Variants in PRELID2 observed in about 807,000 individuals in gnomAD.
PRELID2 encodes PRELI domain containing 2.
A neutral mutation model predicts 28.4 loss-of-function variants in PRELID2; 25 were observed. That is an observed-to-expected ratio of 0.88 (90% CI 0.64 to 1.23). The LOEUF is 1.23. Ranked by LOEUF, PRELID2 falls within the 50% of genes most tolerant of loss-of-function variation. PRELID2 has a pLI of 0.00. For missense variants in PRELID2, 201 were observed against 214.4 expected, an observed-to-expected ratio of 0.94 and a Z score of 0.39; for synonymous variants, 76 against 71.6, an observed-to-expected ratio of 1.06 and a Z score of -0.31.
At chr5:145,819,388 A>G in intron 3 of PRELID2, 1 of 1,603,752 alleles carries the variant, frequency 6.2e-7, no homozygotes, top group Non-Finnish European at 8.5e-7. Context: ...CCTTTTTCCA[A>G]CAAAGAATCA....
chr5:145,824,430 G>A (rs1024902095), intron 1 of PRELID2, among the ~76,000 whole-genome samples: 1 of 117,658 alleles, frequency 8.5e-6, no homozygotes, highest in African/African-American at 2.8e-5. Flanking sequence ...GCAGGCGTGT[G>A]TGTGTGTGTG....
intron 1 of PRELID2, among the ~76,000 whole-genome samples, chr5:145,627,126 AAAAAAAAAAAAAAAAAAAAAT>A (rs1350705370): frequency 5.4e-4 from 56 of 103,980 alleles, no homozygotes; most frequent in African/African-American, 2.3e-3. Context: ...AAAAAAAAAA[AAAAAAAAAAAAAAAAAAAAAT>A]TTGTGTATAT....
chr5:145,331,673 G>A, the PRELID2 span, among the ~76,000 whole-genome samples: 32 of 152,024 alleles, frequency 2.1e-4, no homozygotes, highest in African/African-American at 7.5e-4. Flanking sequence ...CTTTGCATGT[G>A]AGATATGTCT....
At chr5:145,274,262 T>C in the PRELID2 span, among the ~76,000 whole-genome samples, 4 of 152,172 alleles carry the variant, frequency 2.6e-5, no homozygotes, top group African/African-American at 9.7e-5. Context: ...CCCTTCTTTT[T>C]CATAGCTCTG....
At chr5:145,370,770 G>C in the PRELID2 span, among the ~76,000 whole-genome samples, 1 of 151,502 alleles carries the variant, frequency 6.6e-6, no homozygotes, top group Non-Finnish European at 1.5e-5. Context: ...ATGTTTTCTC[G>C]TTTGTTTCCT....
intron 1 of PRELID2, among the ~76,000 whole-genome samples, chr5:145,553,415 G>T (rs768233551): frequency 1.3e-5 from 2 of 152,104 alleles, no homozygotes; most frequent in Non-Finnish European, 2.9e-5. Flanking sequence ...GTTCCACCCT[G>T]GCACTCCATC....
At chr5:145,525,881 G>A (rs1272856488) in intron 1 of PRELID2, among the ~76,000 whole-genome samples, 1 of 152,184 alleles carries the variant, frequency 6.6e-6, no homozygotes, top group Non-Finnish European at 1.5e-5. Context: ...GCCAAACTCC[G>A]AAAAAAAGCA....
chr5:145,642,991 C>T (rs190525942), intron 1 of PRELID2, among the ~76,000 whole-genome samples: 29 of 152,308 alleles, frequency 1.9e-4, no homozygotes, highest in Non-Finnish European at 3.5e-4. Context: ...ATTGTCTTGG[C>T]TATGCAAGCT....
At chr5:145,286,720 G>GT in the PRELID2 span, among the ~76,000 whole-genome samples, 2 of 117,874 alleles carry the variant, frequency 1.7e-5, no homozygotes, top group Non-Finnish European at 3.4e-5. Context: ...TTGTTTGTTT[G>GT]TTTGTTTTTT....
the PRELID2 span, among the ~76,000 whole-genome samples, chr5:145,440,046 G>A: frequency 2.0e-5 from 3 of 152,020 alleles, no homozygotes; most frequent in Admixed American, 6.6e-5. Context: ...TCCAGTCTCC[G>A]AAACAGCTGT....
chr5:145,455,784 T>G, the PRELID2 span, among the ~76,000 whole-genome samples: 4 of 152,094 alleles, frequency 2.6e-5, no homozygotes, highest in African/African-American at 9.7e-5. Context: ...TGATTTTGGC[T>G]AGGGGAGGGA....
chr5:145,360,459 CA>C, the PRELID2 span, among the ~76,000 whole-genome samples: 1 of 152,050 alleles, frequency 6.6e-6, no homozygotes, highest in Non-Finnish European at 1.5e-5. Context: ...GACATAGGAA[CA>C]AACCCTTACA....
At chr5:145,252,093 T>C in the PRELID2 span, among the ~76,000 whole-genome samples, 1 of 152,128 alleles carries the variant, frequency 6.6e-6, no homozygotes, top group Non-Finnish European at 1.5e-5. Flanking sequence ...GGTTTGTTAC[T>C]CAAAATCTGG....
intron 1 of PRELID2, among the ~76,000 whole-genome samples, chr5:145,578,449 C>T (rs17103425): frequency 0.19 from 29,273 of 151,730 alleles, 4,986 homozygotes; most frequent in African/African-American, 0.45. Context: ...CCTTTTTTTT[C>T]CCCTGGGTCA....
the PRELID2 span, among the ~76,000 whole-genome samples, chr5:145,455,937 T>G: frequency 6.6e-6 from 1 of 152,160 alleles, no homozygotes; most frequent in Admixed American, 6.5e-5. Flanking sequence ...TTACTCGCCT[T>G]CTGTGTTGAT....
At chr5:145,615,671 C>T (rs1753688492) in intron 1 of PRELID2, among the ~76,000 whole-genome samples, 1 of 152,136 alleles carries the variant, frequency 6.6e-6, no homozygotes, top group Non-Finnish European at 1.5e-5. Context: ...GAATTCTTAT[C>T]CATTCTGCAG....
intron 1 of PRELID2, among the ~76,000 whole-genome samples, chr5:145,490,244 T>C (rs1431268063): frequency 1.3e-5 from 2 of 152,192 alleles, no homozygotes; most frequent in Non-Finnish European, 2.9e-5. Flanking sequence ...AAAATTTCCT[T>C]TTTTGTACTC....
chr5:145,625,181 T>C (rs190494921), intron 1 of PRELID2, among the ~76,000 whole-genome samples: 3 of 152,242 alleles, frequency 2.0e-5, no homozygotes, highest in South Asian at 2.1e-4. Flanking sequence ...AAAGATGAAC[T>C]TTCTCATATT....
At chr5:145,817,777 G>T in intron 4 of PRELID2, 117 bp downstream of exon 4, 1 of 865,990 alleles carries the variant, frequency 1.2e-6, no homozygotes, top group Non-Finnish European at 1.6e-6. Context: ...TAATAATGTG[G>T]AATTTGTATG....
Sources: gnomAD v4.1 joint callset for allele counts (sites outside exome capture counted in the v4.1 genomes callset) on GRCh38, gnomAD v4.1.1 for gene constraint, MANE v1.5 for transcripts, NCBI Gene and HGNC (gene_info 2026-07-23, HGNC 2026-07-21) for gene names.